The following B3GAT2 variants were observed in gnomAD, a reference collection of about 807,000 sequenced individuals.
B3GAT2 encodes the protein galactosylgalactosylxylosylprotein 3-beta-glucuronosyltransferase 2.
Under a neutral mutation model 27.8 loss-of-function variants are expected in B3GAT2, and 26 were observed. That is an observed-to-expected ratio of 0.93 (90% confidence interval 0.68 to 1.30). The LOEUF (loss-of-function observed/expected upper bound fraction) is 1.30. Among genes scored for constraint, B3GAT2 ranks in the 50% most tolerant of loss-of-function variants. The probability of loss-of-function intolerance (pLI) is 0.00; values close to 1 mark genes in which losing one functional copy is unlikely to be tolerated. For synonymous variants in B3GAT2, 218 were observed against 195.1 expected (o/e 1.12, Z -0.98); for missense variants, 458 against 459.0 (o/e 1.00, Z 0.02).
intron 1 of B3GAT2, among the ~76,000 whole-genome samples, chr6:70,913,051 C>G (rs965517049): frequency 3.3e-5 from 5 of 152,098 alleles, no homozygotes; most frequent in African/African-American, 9.6e-5. Flanking sequence ...TTATTTGGAT[C>G]TGCTCTGTTT....
intron 1 of B3GAT2, among the ~76,000 whole-genome samples, chr6:70,942,417 G>A (rs1765409802): frequency 6.6e-6 from 1 of 152,088 alleles, no homozygotes; most frequent in Admixed American, 6.6e-5. Context: ...GAGTATTCAG[G>A]TCCACAAATA....
chr6:70,943,352 GGC>G (rs1765423137), intron 1 of B3GAT2, among the ~76,000 whole-genome samples: 1 of 152,196 alleles, frequency 6.6e-6, no homozygotes, highest in Non-Finnish European at 1.5e-5. Flanking sequence ...GGAGAACCAA[GGC>G]TCCTCCAAGC....
intron 1 of B3GAT2, among the ~76,000 whole-genome samples, chr6:70,908,523 A>G (rs1405477237): frequency 6.6e-6 from 1 of 152,232 alleles, no homozygotes. Context: ...GAAGCAGTAG[A>G]CTAGAGGTAT....
chr6:70,876,587 T>G (rs931615780), intron 2 of B3GAT2, among the ~76,000 whole-genome samples: 1 of 152,230 alleles, frequency 6.6e-6, no homozygotes, highest in Non-Finnish European at 1.5e-5. Flanking sequence ...TGTAAACAAA[T>G]ATTTACCTGG....
intron 1 of B3GAT2, among the ~76,000 whole-genome samples, chr6:70,926,418 A>G (rs1772959890): frequency 6.6e-6 from 1 of 152,208 alleles, no homozygotes; most frequent in South Asian, 2.1e-4. Flanking sequence ...AAAGAAGCTA[A>G]AAACCTGGAA....
In B3GAT2 at chr6:70,860,937, A is replaced by AG. The variant is rs1452721736; in HGVS notation, c.*725_*726insC. ...CGTTTAATGAATGCTTAAAGAATTC[A>AG]AATTTTATCTGCCTCTCTTGTAATT... On this transcript the variant is annotated 3_prime_UTR_variant, in exon 4 of 4. Transcript: ENST00000230053. The AG allele has an allele frequency of 5.3e-6, 2 of 374,080 alleles. No individual in the cohort carries two copies. The highest frequency in any genetic ancestry group is 4.8e-6 in the Non-Finnish European group (1 of 210,362). The allele number at this position is 374,080 out of a possible 1,614,324, so 23.2% of individuals were successfully genotyped here.
intron 1 of B3GAT2, among the ~76,000 whole-genome samples, chr6:70,932,383 G>A (rs1398983008): frequency 6.6e-6 from 1 of 152,148 alleles, no homozygotes; most frequent in Non-Finnish European, 1.5e-5. Context: ...GGTAAAATGT[G>A]AAAGCAACAC....
At chr6:70,912,988 T>TAA (rs1229649562) in intron 1 of B3GAT2, among the ~76,000 whole-genome samples, 1 of 152,152 alleles carries the variant, frequency 6.6e-6, no homozygotes, top group African/African-American at 2.4e-5. Flanking sequence ...TTAAGGTTTT[T>TAA]TATATTTCTG....
intron 1 of B3GAT2, among the ~76,000 whole-genome samples, chr6:70,902,677 T>C (rs190856173): frequency 6.8e-6 from 1 of 147,312 alleles, no homozygotes; most frequent in East Asian, 2.1e-4. Flanking sequence ...TATATATATA[T>C]ACACATAAAC....
intron 1 of B3GAT2, among the ~76,000 whole-genome samples, chr6:70,923,513 A>G (rs557381763): frequency 6.6e-6 from 1 of 152,020 alleles, no homozygotes; most frequent in Non-Finnish European, 1.5e-5. Flanking sequence ...CTCTACAAAA[A>G]TTTTTTTAAA....
rs372811326 is a variant in B3GAT2 at position 70,928,866 on chromosome 6, A to G, written c.591+26973T>C. Reference sequence around the variant, plus strand: ...CCAGCCATCCCATTACTGGGTATATACCCAAAGGATTATAAATCATGCTGT... The same window carrying G: ...CCAGCCATCCCATTACTGGGTATATGCCCAAAGGATTATAAATCATGCTGT... On this transcript the variant is annotated intron_variant, in intron 1 of 3. Transcript: ENST00000230053. 1.6e-4 allele frequency among the ~76,000 whole-genome samples: 25 copies of G among 152,322 alleles called. 1 individual carries two copies. Among genetic ancestry groups the G allele is most frequent in the African/African-American group, 6.0e-4 (25 of 41,584 alleles).
At chr6:70,904,890 T>C (rs1772572560) in intron 1 of B3GAT2, among the ~76,000 whole-genome samples, 1 of 152,112 alleles carries the variant, frequency 6.6e-6, no homozygotes, top group South Asian at 2.1e-4. Flanking sequence ...GGTATGGCAG[T>C]CACTCCCTTG....
chr6:70,869,305 T>A (rs1280014447), intron 2 of B3GAT2, among the ~76,000 whole-genome samples: 1 of 152,108 alleles, frequency 6.6e-6, no homozygotes, highest in East Asian at 1.9e-4. Context: ...TGCATGTCGC[T>A]CCATCTGGTG....
chr6:70,934,049 C>A (rs976527323), intron 1 of B3GAT2, among the ~76,000 whole-genome samples: 1 of 152,146 alleles, frequency 6.6e-6, no homozygotes, highest in Non-Finnish European at 1.5e-5. Flanking sequence ...GGACCCAGAA[C>A]GCAGTAAAAA....
chr6:70,950,727 A>C (rs1024774810), intron 1 of B3GAT2, among the ~76,000 whole-genome samples: 2 of 152,158 alleles, frequency 1.3e-5, no homozygotes, highest in Non-Finnish European at 2.9e-5. Context: ...TCCATAACTA[A>C]ATATTAGCAT....
Position 70,941,768 on chromosome 6 carries a change from C to T in B3GAT2, c.591+14071G>A, listed in dbSNP as rs540391633. ...TTAAACTCTGTTTATAATAAATTCC[C>T]TCAGCTTCCAAGTGTCTTATAATTC... On this transcript the variant is annotated intron_variant, in intron 1 of 3. Transcript: ENST00000230053. Among the ~76,000 whole-genome samples the T allele has an allele frequency of 8.9e-4, 136 of 152,248 alleles. 2 individuals are homozygous for T. The highest frequency in any genetic ancestry group is 3.4e-3 in the Middle Eastern group (1 of 292).
At chr6:70,924,303 G>A (rs1048982844) in intron 1 of B3GAT2, among the ~76,000 whole-genome samples, 33 of 152,138 alleles carry the variant, frequency 2.2e-4, no homozygotes, top group African/African-American at 8.0e-4. Flanking sequence ...TTTATGGATT[G>A]GAAGAGTTAA....
At chr6:70,876,330 T>C (rs184557790) in intron 2 of B3GAT2, among the ~76,000 whole-genome samples, 269 of 152,344 alleles carry the variant, frequency 1.8e-3, no homozygotes, top group Non-Finnish European at 2.9e-3. Context: ...GGAAGCTATG[T>C]TGGTTTCTGA....
At chr6:70,924,291 T>C (rs1020331294) in intron 1 of B3GAT2, among the ~76,000 whole-genome samples, 2 of 152,228 alleles carry the variant, frequency 1.3e-5, no homozygotes, top group Admixed American at 6.5e-5. Context: ...CAAAATTCCA[T>C]ATTTATGGAT....
Sources: gnomAD v4.1 joint callset for allele counts (sites outside exome capture counted in the v4.1 genomes callset) on GRCh38, gnomAD v4.1.1 for gene constraint, MANE v1.5 for transcripts, NCBI Gene and HGNC (gene_info 2026-07-23, HGNC 2026-07-21) for gene names.